Variants in XYLT1 observed in about 807,000 individuals in gnomAD.
The protein encoded by XYLT1 is xylosyltransferase 1.
In XYLT1, 36 loss-of-function variants were observed where a neutral mutation model predicts 91.3. That is an observed-to-expected ratio of 0.39 (90% CI 0.30 to 0.52). The LOEUF (loss-of-function observed/expected upper bound fraction) is 0.52. Among genes scored for constraint, XYLT1 ranks in the 20% least tolerant of loss-of-function variants. The probability of loss-of-function intolerance (pLI) is 0.68; values close to 1 mark genes in which losing one functional copy is unlikely to be tolerated. For synonymous variants in XYLT1, 588 were observed against 532.0 expected (o/e 1.11, Z -1.45); for missense variants, 1,242 against 1,284.5 (o/e 0.97, Z 0.51).
At chr16:17,129,391 A>G (rs1294396390) in intron 9 of XYLT1, among the ~76,000 whole-genome samples, 1 of 152,114 alleles carries the variant, frequency 6.6e-6, no homozygotes, top group Non-Finnish European at 1.5e-5. Flanking sequence ...CCTCCTGAGT[A>G]GCTGGGATTA....
intron 2 of XYLT1, among the ~76,000 whole-genome samples, chr16:17,330,433 C>T: frequency 6.6e-6 from 1 of 152,080 alleles, no homozygotes; most frequent in Admixed American, 6.6e-5. Flanking sequence ...CATCGTTTCA[C>T]TCCCTGGGCT....
chr16:17,337,767 C>CA, intron 2 of XYLT1, among the ~76,000 whole-genome samples: 2 of 124,558 alleles, frequency 1.6e-5, no homozygotes, highest in Non-Finnish European at 3.4e-5. Flanking sequence ...GTCTGTTCCA[C>CA]ATTTTTTCTT....
At chr16:17,141,494 G>C in intron 6 of XYLT1, 125 bp from the exon 7 acceptor site, 1 of 924,130 alleles carries the variant, frequency 1.1e-6, no homozygotes, top group Non-Finnish European at 1.6e-6. Context: ...TGTGTGCCAG[G>C]TACTGCTCCA....
intron 2 of XYLT1, among the ~76,000 whole-genome samples, chr16:17,339,277 TCTAA>T (rs1034938574): frequency 2.8e-4 from 42 of 152,320 alleles, no homozygotes; most frequent in African/African-American, 9.9e-4. Flanking sequence ...TTTCACTAAC[TCTAA>T]CTGAAATTTA....
intron 1 of XYLT1, among the ~76,000 whole-genome samples, chr16:17,412,814 AG>A (rs1212641813): frequency 6.6e-6 from 1 of 152,120 alleles, no homozygotes; most frequent in Non-Finnish European, 1.5e-5. Context: ...CTACAGTTAG[AG>A]TGCTTAATTC....
At chr16:17,470,375 G>C (rs2036969059) in intron 1 of XYLT1, 59 bp downstream of exon 1, 1 of 1,212,394 alleles carries the variant, frequency 8.2e-7, no homozygotes, top group Admixed American at 4.3e-5. Flanking sequence ...GGGGGGCGTG[G>C]GGTCGGGCTG....
chr16:17,419,586 A>G (rs1173757488), intron 1 of XYLT1, among the ~76,000 whole-genome samples: 1 of 152,182 alleles, frequency 6.6e-6, no homozygotes, highest in Non-Finnish European at 1.5e-5. Flanking sequence ...CAGTTTGTAA[A>G]CTCAATGAAA....
chr16:17,320,175 C>G (rs2034694805), intron 2 of XYLT1, among the ~76,000 whole-genome samples: 1 of 152,174 alleles, frequency 6.6e-6, no homozygotes, highest in African/African-American at 2.4e-5. Context: ...TCTTTCTTCC[C>G]CAGACTACGG....
intron 1 of XYLT1, among the ~76,000 whole-genome samples, chr16:17,380,331 T>C (rs2141882953): frequency 6.6e-6 from 1 of 152,226 alleles, no homozygotes; most frequent in Non-Finnish European, 1.5e-5. Context: ...AAAGAGGTGG[T>C]TGGAGCGAGA....
At chr16:17,362,204 C>T (rs1276171418) in intron 1 of XYLT1, among the ~76,000 whole-genome samples, 1 of 152,104 alleles carries the variant, frequency 6.6e-6, no homozygotes, top group Non-Finnish European at 1.5e-5. Flanking sequence ...AGAATACTTA[C>T]AGCAAATAAG....
intron 1 of XYLT1, among the ~76,000 whole-genome samples, chr16:17,365,359 G>C (rs758155599): frequency 6.6e-6 from 1 of 152,164 alleles, no homozygotes; most frequent in African/African-American, 2.4e-5. Flanking sequence ...GGCTGGGCAC[G>C]TGCAGGGCAG....
At chr16:17,434,879 A>G (rs972697552) in intron 1 of XYLT1, among the ~76,000 whole-genome samples, 4 of 152,122 alleles carry the variant, frequency 2.6e-5, no homozygotes, top group Non-Finnish European at 5.9e-5. Context: ...AAGAAAAAAA[A>G]AAAAAGAAGA....
chr16:17,300,271 C>T lies in XYLT1; in HGVS notation c.403-40773G>A, dbSNP rs141608831. Among the ~76,000 whole-genome samples, 743 of 152,230 alleles carry T rather than the reference C, an allele frequency of 4.9e-3. 8 individuals carry two copies. The highest frequency in any genetic ancestry group is 0.017 in the African/African-American group (719 of 41,530). ...CAGACTTCATTTCTAGGCATGTAAC[C>T]TTCACATTTAACTTGCATTTAAGCA... On this transcript the variant is annotated intron_variant, in intron 2 of 11. Coordinates refer to ENST00000261381, the MANE Select transcript of XYLT1 (RefSeq NM_022166.4).
At position 17,456,622 on chromosome 16, in the gene XYLT1, T is replaced by C. The variant is rs535509762; in HGVS notation, c.363+13812A>G. Among the ~76,000 whole-genome samples, 2 of 152,342 alleles carry C rather than the reference T, an allele frequency of 1.3e-5. 1 individual carries two copies. The highest frequency in any genetic ancestry group is 3.9e-4 in the East Asian group (2 of 5,176). On this transcript the variant is annotated intron_variant, in intron 1 of 11. Transcript: ENST00000261381. ...TCCCAAAGCGCTGGGATTACAGGCA[T>C]GTGCCACCACGCCCGGCAACAGTAC...
In XYLT1 at chr16:17,312,482, T is replaced by C. The variant is rs949562713; in HGVS notation, c.402+45530A>G. 3.3e-5 allele frequency among the ~76,000 whole-genome samples: 5 copies of C among 152,188 alleles called. No homozygotes were observed. Among genetic ancestry groups the C allele is most frequent in the African/African-American group, 1.2e-4 (5 of 41,452 alleles). ...TCTTTCTAACTTAAAAAAATAATAA[T>C]TATAGACTCACAGGAGGTTGCCAAG... On this transcript the variant is annotated intron_variant, in intron 2 of 11. Transcript: ENST00000261381. This position sits in a 1 kb window ranked among gnomAD's most constrained non-coding sequence, Gnocchi z 4.4.
chr16:17,411,149 A>C (rs566802578), intron 1 of XYLT1, among the ~76,000 whole-genome samples: 1 of 152,258 alleles, frequency 6.6e-6, no homozygotes, highest in African/African-American at 2.4e-5. Context: ...AATATTATTC[A>C]TAACAGCACC....
chr16:17,208,634 T>C (rs182625062), intron 3 of XYLT1, among the ~76,000 whole-genome samples: 15 of 152,340 alleles, frequency 9.8e-5, no homozygotes, highest in Non-Finnish European at 2.1e-4. Flanking sequence ...GCTTGTAGCA[T>C]TATGTGCCCA....
intron 2 of XYLT1, among the ~76,000 whole-genome samples, chr16:17,347,739 G>C (rs989654709): frequency 6.6e-6 from 1 of 152,196 alleles, no homozygotes; most frequent in Non-Finnish European, 1.5e-5. Flanking sequence ...AGCGAGGCGG[G>C]GGCCCGGTCA....
rs1256573656 is a variant in XYLT1, at chr16:17,259,371, T to C, written c.530A>G (p.His177Arg). 1 of 1,614,076 alleles carries C rather than the reference T, an allele frequency of 6.2e-7. No individual in the cohort carries two copies. ...NFAPRTQKQK[H>R]QPELAKKPPS... is the part of the protein sequence containing the mutation. The stretch of plus-strand genomic sequence containing the variant: ...TGGCTTCTTCGCCAACTCAGGCTGG[T>C]GCTTCTGCTTTTGAGTCCTGGGTGC... Residue 177 changes from histidine to arginine, a missense_variant, in exon 3 of 12, where the codon CAC becomes CGC. His to Arg is a conservative substitution (Grantham distance 29). Coordinates refer to ENST00000261381, the MANE Select transcript of XYLT1 (RefSeq NM_022166.4).
Sources: allele counts gnomAD v4.1 joint callset (sites outside exome capture counted in the v4.1 genomes callset), GRCh38; gene constraint gnomAD v4.1.1; non-coding constraint Gnocchi (gnomAD v3.1); transcripts MANE v1.5; gene names NCBI Gene and HGNC (gene_info 2026-07-23, HGNC 2026-07-21).